The following TMEM167A variants were observed in gnomAD, a reference collection of about 807,000 sequenced individuals.
TMEM167A encodes protein kish-A.
Under a neutral mutation model 11.6 loss-of-function variants are expected in TMEM167A, and 8 were observed. The ratio of observed to expected loss-of-function variants is 0.69; its 90% CI spans 0.40 to 1.24. TMEM167A has a LOEUF of 1.24. Ranked by LOEUF, TMEM167A falls within the 50% of genes most tolerant of loss-of-function variation. TMEM167A has a pLI of 0.01. For missense variants in TMEM167A, 62 were observed against 87.0 expected (o/e 0.71, Z 1.14); for synonymous variants, 22 against 28.0 (o/e 0.79, Z 0.67).
chr5:83,062,666 T>G (rs568498932), intron 2 of TMEM167A, among the ~76,000 whole-genome samples: 264 of 152,150 alleles, frequency 1.7e-3, no homozygotes, highest in Non-Finnish European at 2.6e-3. Flanking sequence ...GAATCATCAA[T>G]GAATAGAGAT....
chr5:83,072,214 C>CA (rs1744572767), intron 1 of TMEM167A, among the ~76,000 whole-genome samples: 1 of 151,550 alleles, frequency 6.6e-6, no homozygotes, highest in Non-Finnish European at 1.5e-5. Flanking sequence ...AAAGATAAGG[C>CA]AAAAGGGTGT....
chr5:83,075,782 TTTA>T (rs1275030418), intron 1 of TMEM167A, among the ~76,000 whole-genome samples: 2 of 151,798 alleles, frequency 1.3e-5, no homozygotes, highest in East Asian at 3.9e-4. Context: ...GTAATTCAGG[TTTA>T]TTAAGTCATT....
chr5:83,067,275 C>G (rs1370316661), intron 1 of TMEM167A, among the ~76,000 whole-genome samples: 1 of 151,964 alleles, frequency 6.6e-6, no homozygotes, highest in Non-Finnish European at 1.5e-5. Flanking sequence ...AGAAACTGTT[C>G]CAATGTCATT....
At chr5:83,068,973 T>C (rs1285671518) in intron 1 of TMEM167A, among the ~76,000 whole-genome samples, 3 of 152,230 alleles carry the variant, frequency 2.0e-5, no homozygotes, top group Non-Finnish European at 4.4e-5. Flanking sequence ...TATAGGCTTC[T>C]ACCTCTTTAT....
intron 1 of TMEM167A, among the ~76,000 whole-genome samples, chr5:83,071,655 TCAA>T (rs1366745716): frequency 6.6e-6 from 1 of 152,230 alleles, no homozygotes; most frequent in African/African-American, 2.4e-5. Context: ...ATAAAAATTA[TCAA>T]CATTTTCTTT....
rs902315073 is a variant in TMEM167A, at chr5:83,054,820, C to T, written c.*2264G>A. 1 of 151,832 alleles carries T rather than the reference C, an allele frequency of 6.6e-6. No individual in the cohort carries two copies. The highest frequency in any genetic ancestry group is 2.1e-4 in the South Asian group (1 of 4,820). The allele number at this position is 151,832 out of a possible 1,614,324, so 9.4% of individuals were successfully genotyped here. ...ACCTATATAACAACCTGCACATGTA[C>T]CCCTGAACCTAAAAGTTAAAAAAAT... On this transcript the variant is annotated 3_prime_UTR_variant, in exon 4 of 4. Coordinates refer to ENST00000502346, the MANE Select transcript of TMEM167A (RefSeq NM_174909.5).
chr5:83,066,580 G>T (rs1744484720), intron 1 of TMEM167A, among the ~76,000 whole-genome samples: 2 of 152,076 alleles, frequency 1.3e-5, no homozygotes, highest in South Asian at 4.1e-4. Context: ...TGCAACATTG[G>T]CATCAAAGAA....
intron 3 of TMEM167A, 30 bp from the exon 4 acceptor site, chr5:83,057,184 AT>A: frequency 6.2e-7 from 1 of 1,602,038 alleles, no homozygotes; most frequent in Non-Finnish European, 8.5e-7. Flanking sequence ...GTTCATCTTG[AT>A]TAACTGAGTG....
chr5:83,076,524 G>T (rs1222190792), intron 1 of TMEM167A, among the ~76,000 whole-genome samples: 1 of 152,200 alleles, frequency 6.6e-6, no homozygotes, highest in African/African-American at 2.4e-5. Context: ...TGGTAAATTC[G>T]TCCAGAGAAG....
intron 1 of TMEM167A, among the ~76,000 whole-genome samples, chr5:83,070,432 A>G (rs1744543218): frequency 6.6e-6 from 1 of 152,220 alleles, no homozygotes; most frequent in Non-Finnish European, 1.5e-5. Context: ...TATGCTTGAA[A>G]CAACTAGTGT....
At chr5:83,065,189 C>T in intron 1 of TMEM167A, 72 bp from the exon 2 acceptor site, 1 of 936,102 alleles carries the variant, frequency 1.1e-6, no homozygotes, top group South Asian at 1.5e-5. Context: ...TTGACAATTC[C>T]ACATTTAGAG....
At chr5:83,069,151 A>G (rs951582061) in intron 1 of TMEM167A, among the ~76,000 whole-genome samples, 2 of 152,200 alleles carry the variant, frequency 1.3e-5, no homozygotes, top group Non-Finnish European at 2.9e-5. Flanking sequence ...TAAAGCCTCT[A>G]AAGTTTAAAA....
rs1454721094 is a variant in TMEM167A, at chr5:83,053,563, T to A, written c.*3521A>T. 1 of 151,988 alleles carries A rather than the reference T, an allele frequency of 6.6e-6. No homozygotes were observed. 9.4% of individuals were successfully genotyped at this position (151,988 alleles called of 1,614,324 possible). ...AATTTAAATTTCTGCCCTTGAGTAG[T>A]TTTGTGTTAGGCAGGAGGAAAAACA... On this transcript the variant is annotated 3_prime_UTR_variant, in exon 4 of 4. Transcript: ENST00000502346.
intron 1 of TMEM167A, among the ~76,000 whole-genome samples, chr5:83,065,563 A>G (rs968571814): frequency 1.3e-5 from 2 of 152,154 alleles, no homozygotes; most frequent in African/African-American, 4.8e-5. Flanking sequence ...TCTCTAATCC[A>G]AAATCCAAAA....
At chr5:83,075,306 A>C (rs533599594) in intron 1 of TMEM167A, among the ~76,000 whole-genome samples, 2 of 152,262 alleles carry the variant, frequency 1.3e-5, no homozygotes, top group East Asian at 3.9e-4. Context: ...GACATGAGAG[A>C]AATGTTGAAG....
chr5:83,055,281 T>G lies in TMEM167A; in HGVS notation c.*1803A>C, dbSNP rs1744311878. The G allele has an allele frequency of 6.6e-6, 1 of 152,040 alleles. No homozygotes were observed. The highest frequency in any genetic ancestry group is 2.4e-5 in the African/African-American group (1 of 41,412). The allele number at this position is 152,040 out of a possible 1,614,324, so 9.4% of individuals were successfully genotyped here. A position where few individuals can be genotyped will look rare whatever the true frequency, so the allele number is the denominator to read the frequency against. On this transcript the variant is annotated 3_prime_UTR_variant, in exon 4 of 4. Coordinates refer to ENST00000502346, the MANE Select transcript of TMEM167A (RefSeq NM_174909.5). ...TAGAATATTCTTCCTCTTTTCATAT[T>G]CGATTTGTCTTAGCATATAAAAAAT...
intron 1 of TMEM167A, among the ~76,000 whole-genome samples, chr5:83,076,765 GAAGGGCA>G (rs1389904981): frequency 2.0e-5 from 3 of 152,216 alleles, no homozygotes; most frequent in Non-Finnish European, 4.4e-5. Flanking sequence ...TAAGCTCCTA[GAAGGGCA>G]ATCCACCTTT....
chr5:83,074,578 G>C (rs6452502), intron 1 of TMEM167A, among the ~76,000 whole-genome samples: 73,527 of 152,000 alleles, frequency 0.48, 18,381 homozygotes, highest in African/African-American at 0.58. Flanking sequence ...AACTCCCTTA[G>C]AGTTAACCAA....
chr5:83,072,741 A>C (rs993678912), intron 1 of TMEM167A, among the ~76,000 whole-genome samples: 1 of 152,124 alleles, frequency 6.6e-6, no homozygotes, highest in Admixed American at 6.6e-5. Flanking sequence ...CATGTTGGTC[A>C]GGCTAGTCTC....
Sources: gnomAD v4.1 joint callset for allele counts (sites outside exome capture counted in the v4.1 genomes callset) on GRCh38, gnomAD v4.1.1 for gene constraint, MANE v1.5 for transcripts, NCBI Gene and HGNC (gene_info 2026-07-23, HGNC 2026-07-21) for gene names.